The following MTUS2 variants were observed in gnomAD, a reference collection of about 807,000 sequenced individuals.
MTUS2 encodes microtubule associated scaffold protein 2.
Under a neutral mutation model 114.1 loss-of-function variants are expected in MTUS2, and 40 were observed. The ratio of observed to expected loss-of-function variants is 0.35; its 90% CI spans 0.27 to 0.46. MTUS2 has a LOEUF of 0.46. MTUS2 is among the 20% of genes least tolerant of loss of function. MTUS2 has a pLI of 1.00. For missense variants in MTUS2, 1,679 were observed against 1,705.4 expected (o/e 0.98, Z 0.27); for synonymous variants, 688 against 672.0 (o/e 1.02, Z -0.37).
At chr13:28,970,993 T>C (rs1400440858) in intron 2 of MTUS2, among the ~76,000 whole-genome samples, 2 of 152,308 alleles carry the variant, frequency 1.3e-5, no homozygotes, top group African/African-American at 4.8e-5. Context: ...TGCAAACAGG[T>C]GTAAAAGCAG....
At chr13:29,197,980 A>T (rs1234314304) in intron 5 of MTUS2, among the ~76,000 whole-genome samples, 1 of 152,162 alleles carries the variant, frequency 6.6e-6, no homozygotes, top group Admixed American at 6.5e-5. Context: ...GATTGCAAAA[A>T]CATTCTCCCA....
At chr13:29,215,298 G>C (rs1195957438) in intron 5 of MTUS2, among the ~76,000 whole-genome samples, 1 of 151,568 alleles carries the variant, frequency 6.6e-6, no homozygotes, top group Non-Finnish European at 1.5e-5. Flanking sequence ...CCTCATATTG[G>C]GTTAGGACAT....
At chr13:29,195,411 C>T (rs1464428297) in intron 5 of MTUS2, among the ~76,000 whole-genome samples, 3 of 151,604 alleles carry the variant, frequency 2.0e-5, no homozygotes, top group African/African-American at 7.3e-5. Context: ...TTTTTCTGTG[C>T]ACATGAATGT....
chr13:29,457,477 TTTA>T (rs1879203126), intron 9 of MTUS2, among the ~76,000 whole-genome samples: 1 of 142,700 alleles, frequency 7.0e-6, no homozygotes, highest in Non-Finnish European at 1.6e-5. Context: ...TTTGCTCCTT[TTTA>T]TTGTTGACTA....
chr13:28,926,263 A>T (rs1267678121), intron 2 of MTUS2, among the ~76,000 whole-genome samples: 1 of 152,242 alleles, frequency 6.6e-6, no homozygotes, highest in Non-Finnish European at 1.5e-5. Flanking sequence ...AGAGAAGATG[A>T]TGTTAATACC....
At chr13:29,162,799 C>T (rs1893155056) in intron 5 of MTUS2, among the ~76,000 whole-genome samples, 1 of 152,216 alleles carries the variant, frequency 6.6e-6, no homozygotes, top group Admixed American at 6.5e-5. Flanking sequence ...TTCTGATGGA[C>T]TGCTGAGTCA....
At chr13:29,365,469 C>G (rs1870624684) in intron 8 of MTUS2, among the ~76,000 whole-genome samples, 1 of 141,732 alleles carries the variant, frequency 7.1e-6, no homozygotes, top group South Asian at 2.4e-4. Context: ...TTCAGCTCAT[C>G]TCACTTATGC....
chr13:29,439,882 CTT>C, intron 8 of MTUS2, 99 bp from the exon 9 acceptor site: 1 of 946,992 alleles, frequency 1.1e-6, no homozygotes, highest in East Asian at 2.6e-5. Context: ...AAGGACTAGA[CTT>C]ATAAATATTT....
At chr13:29,276,719 G>T (rs1024571138) in intron 5 of MTUS2, among the ~76,000 whole-genome samples, 2 of 152,074 alleles carry the variant, frequency 1.3e-5, no homozygotes, top group African/African-American at 4.8e-5. Flanking sequence ...CCAACATGGT[G>T]AAACCCCATC....
At chr13:29,450,800 A>G (rs537303109) in intron 9 of MTUS2, among the ~76,000 whole-genome samples, 2 of 152,368 alleles carry the variant, frequency 1.3e-5, no homozygotes, top group South Asian at 4.1e-4. Flanking sequence ...CTATATTCAT[A>G]TCACACAAAG....
At chr13:28,985,418 TAA>T (rs1884534549) in intron 2 of MTUS2, among the ~76,000 whole-genome samples, 1 of 152,204 alleles carries the variant, frequency 6.6e-6, no homozygotes, top group African/African-American at 2.4e-5. Context: ...AAAAATTCAA[TAA>T]GTGATAATTT....
intron 13 of MTUS2, 75 bp downstream of exon 13, chr13:29,497,411 C>A: frequency 2.3e-6 from 3 of 1,321,296 alleles, no homozygotes; most frequent in South Asian, 1.3e-5. Flanking sequence ...CCTCAGCAGT[C>A]TCGTCCCAAG....
At chr13:29,021,900 G>A (rs1403568890) in intron 2 of MTUS2, among the ~76,000 whole-genome samples, 1 of 152,166 alleles carries the variant, frequency 6.6e-6, no homozygotes, top group Non-Finnish European at 1.5e-5. Context: ...GGCTATATTG[G>A]GGTCAGGCTG....
chr13:29,052,029 C>T (rs2138606815), intron 4 of MTUS2, among the ~76,000 whole-genome samples: 1 of 152,156 alleles, frequency 6.6e-6, no homozygotes, highest in East Asian at 1.9e-4. Context: ...GACCTTGGCC[C>T]AAATAGACAC....
intron 5 of MTUS2, among the ~76,000 whole-genome samples, chr13:29,264,503 C>T (rs937373118): frequency 6.6e-6 from 1 of 152,256 alleles, no homozygotes; most frequent in Non-Finnish European, 1.5e-5. Context: ...ATTGGCTCTG[C>T]CCTAGTAGAG....
chr13:29,373,967 G>T (rs1309528754), intron 8 of MTUS2, among the ~76,000 whole-genome samples: 2 of 152,174 alleles, frequency 1.3e-5, no homozygotes, highest in Non-Finnish European at 2.9e-5. Context: ...AATGCTTCAG[G>T]AAGTACAAGC....
chr13:29,226,956 T>C (rs1490498120), intron 5 of MTUS2, among the ~76,000 whole-genome samples: 1 of 152,096 alleles, frequency 6.6e-6, no homozygotes, highest in Non-Finnish European at 1.5e-5. Context: ...ACATGTGTCC[T>C]GGACTTGAAT....
intron 2 of MTUS2, among the ~76,000 whole-genome samples, chr13:28,861,804 G>A (rs1035641528): frequency 6.6e-6 from 1 of 152,130 alleles, no homozygotes; most frequent in Non-Finnish European, 1.5e-5. Context: ...CTGCTCTGGA[G>A]GCGTGAGTGG....
At chr13:29,183,998 G>C (rs1368326982) in intron 5 of MTUS2, among the ~76,000 whole-genome samples, 1 of 152,112 alleles carries the variant, frequency 6.6e-6, no homozygotes, top group Non-Finnish European at 1.5e-5. Context: ...TTACCATCTA[G>C]ATTCAACAAT....
Sources: allele counts gnomAD v4.1 joint callset (sites outside exome capture counted in the v4.1 genomes callset), GRCh38; gene constraint gnomAD v4.1.1; transcripts MANE v1.5; gene names NCBI Gene and HGNC (gene_info 2026-07-23, HGNC 2026-07-21).